The following LIPC variants were observed in gnomAD, a reference collection of about 807,000 sequenced individuals.
LIPC encodes the protein lipase C, hepatic type.
In LIPC, 44 loss-of-function variants were observed where a neutral mutation model predicts 50.7. The ratio of observed to expected loss-of-function variants is 0.87; its 90% CI spans 0.68 to 1.11. The LOEUF (loss-of-function observed/expected upper bound fraction) is 1.11. Among genes scored for constraint, LIPC ranks in the 50% most tolerant of loss-of-function variants. The probability of loss-of-function intolerance (pLI) is 0.00; values close to 1 mark genes in which losing one functional copy is unlikely to be tolerated. For synonymous variants in LIPC, 271 were observed against 256.4 expected, an observed-to-expected ratio of 1.06 and a Z score of -0.54; for missense variants, 697 against 648.2, an observed-to-expected ratio of 1.08 and a Z score of -0.82.
At position 58,499,001 on chromosome 15, in the gene LIPC, C is replaced by T. The variant is rs1004873834; in HGVS notation, c.89-39332C>T. Among the ~76,000 whole-genome samples, 9 of 152,332 alleles carry T rather than the reference C, an allele frequency of 5.9e-5. No homozygotes were observed. The South Asian group carries it at 1.9e-3, about 32-fold the overall frequency. On this transcript the variant is annotated intron_variant, in intron 1 of 8. Coordinates refer to ENST00000299022, the MANE Select transcript of LIPC (RefSeq NM_000236.3). ...CATCTCCCAAGGAGGCTGGGCCTGT[C>T]AACGGCCTTGCTTCGCTGAGCATGG...
intron 1 of LIPC, among the ~76,000 whole-genome samples, chr15:58,467,533 C>T (rs1298364578): frequency 1.3e-5 from 2 of 152,144 alleles, no homozygotes; most frequent in African/African-American, 4.8e-5. Context: ...GTTTATGATC[C>T]GGTACTAGGC....
chr15:58,508,245 G>T (rs917283338), intron 1 of LIPC, among the ~76,000 whole-genome samples: 13 of 152,154 alleles, frequency 8.5e-5, no homozygotes, highest in South Asian at 4.2e-4. Context: ...CAAGGGTGGG[G>T]GGTAGGGAGT....
rs2242061 is a variant in LIPC at position 58,542,176 on chromosome 15, T to C, written c.456+209T>C. Among the ~76,000 whole-genome samples, 43,523 of 151,848 alleles carry C rather than the reference T, an allele frequency of 0.29. 6,599 individuals carry two copies. Among genetic ancestry groups the C allele is most frequent in the East Asian group, 0.46 (2,346 of 5,134 alleles). On this transcript the variant is annotated intron_variant, in intron 3 of 8. Coordinates refer to ENST00000299022, the MANE Select transcript of LIPC (RefSeq NM_000236.3). ...ACCCCTGTTTCACAGAACCACCTTC[T>C]CCCCTCTCCTCATCCACTATTCCTC...
intron 1 of LIPC, among the ~76,000 whole-genome samples, chr15:58,444,445 TCTGCCAGGA>T (rs1470563975): frequency 6.6e-6 from 1 of 152,282 alleles, no homozygotes; most frequent in African/African-American, 2.4e-5. Context: ...AGTCTAGCAG[TCTGCCAGGA>T]CTGCCAGGAC....
intron 6 of LIPC, among the ~76,000 whole-genome samples, chr15:58,551,661 A>G (rs866659155): frequency 1.3e-5 from 2 of 152,040 alleles, no homozygotes; most frequent in South Asian, 4.2e-4. Context: ...TCCACCAGCC[A>G]CCTCCAGCAT....
chr15:58,567,292 T>TTC (rs1894406361), intron 8 of LIPC, among the ~76,000 whole-genome samples: 1 of 60,008 alleles, frequency 1.7e-5, no homozygotes. Context: ...TATATATATA[T>TTC]ACATATATAT....
intron 6 of LIPC, among the ~76,000 whole-genome samples, chr15:58,556,030 G>C (rs1306695140): frequency 6.6e-6 from 1 of 152,240 alleles, no homozygotes; most frequent in East Asian, 1.9e-4. Context: ...GGAGGGCAGA[G>C]TGGATGAGGA....
At chr15:58,486,379 T>C (rs1193971106) in intron 1 of LIPC, among the ~76,000 whole-genome samples, 2 of 152,176 alleles carry the variant, frequency 1.3e-5, no homozygotes, top group Non-Finnish European at 2.9e-5. Flanking sequence ...CCAGGATGGT[T>C]GGTCACCCTA....
In LIPC at chr15:58,510,484, T is replaced by A. The variant is rs543880894; in HGVS notation, c.89-27849T>A. On this transcript the variant is annotated intron_variant, in intron 1 of 8. Transcript: ENST00000299022. ...ATATTCATCATTAGAGTAACCATCA[T>A]CCTATGTTTTCTTACAAAGTAACAA... 9.8e-4 allele frequency among the ~76,000 whole-genome samples: 150 copies of A among 152,360 alleles called. 1 individual carries two copies. The highest frequency in any genetic ancestry group is 3.5e-3 in the African/African-American group (144 of 41,586).
chr15:58,502,510 T>TC (rs57391679), intron 1 of LIPC, among the ~76,000 whole-genome samples: 15 of 336 alleles, frequency 0.045, no homozygotes, highest in Middle Eastern at 0.5. Flanking sequence ...TAATTTTCTC[T>TC]TTTTTTTTTT....
At chr15:58,482,796 T>A (rs1384681667) in intron 1 of LIPC, among the ~76,000 whole-genome samples, 1 of 152,124 alleles carries the variant, frequency 6.6e-6, no homozygotes, top group East Asian at 1.9e-4. Flanking sequence ...TCAAGACCAG[T>A]CCTCCCTGGG....
At chr15:58,506,596 G>A (rs1038739714) in intron 1 of LIPC, among the ~76,000 whole-genome samples, 6 of 152,158 alleles carry the variant, frequency 3.9e-5, no homozygotes, top group East Asian at 3.9e-4. Context: ...CCAGGTAGGC[G>A]ACAAGATTTT....
At chr15:58,506,527 T>A (rs1892153387) in intron 1 of LIPC, among the ~76,000 whole-genome samples, 1 of 152,100 alleles carries the variant, frequency 6.6e-6, no homozygotes, top group Non-Finnish European at 1.5e-5. Flanking sequence ...CTATTCCCTA[T>A]CCCTCCCCTG....
intron 1 of LIPC, among the ~76,000 whole-genome samples, chr15:58,512,240 A>G (rs1892351733): frequency 1.3e-5 from 2 of 152,054 alleles, no homozygotes; most frequent in Non-Finnish European, 2.9e-5. Flanking sequence ...CTGAGACTAC[A>G]GGCATGAGCC....
intron 6 of LIPC, among the ~76,000 whole-genome samples, chr15:58,560,440 A>C (rs7180130): frequency 6.6e-6 from 1 of 152,138 alleles, no homozygotes; most frequent in South Asian, 2.1e-4. Flanking sequence ...ATCAGAGAGC[A>C]GCAATAATGT....
chr15:58,507,651 G>A (rs1229428019), intron 1 of LIPC, among the ~76,000 whole-genome samples: 1 of 152,186 alleles, frequency 6.6e-6, no homozygotes, highest in Non-Finnish European at 1.5e-5. Flanking sequence ...AAGGGTAGCT[G>A]GCTAGCGACC....
chr15:58,456,712 T>G (rs1348656032), intron 1 of LIPC, among the ~76,000 whole-genome samples: 2 of 152,240 alleles, frequency 1.3e-5, no homozygotes, highest in Admixed American at 1.3e-4. Context: ...GTCTGGTCTC[T>G]CTTTGCAAAT....
chr15:58,542,375 T>C (rs1231973751), intron 3 of LIPC, among the ~76,000 whole-genome samples, 159 bp from the exon 4 acceptor site: 5 of 151,830 alleles, frequency 3.3e-5, no homozygotes, highest in African/African-American at 1.2e-4. Context: ...CCCAGGAGAG[T>C]CAGCCAGTTG....
intron 2 of LIPC, among the ~76,000 whole-genome samples, chr15:58,539,711 C>G (rs1893257931): frequency 6.6e-6 from 1 of 152,154 alleles, no homozygotes; most frequent in Admixed American, 6.5e-5. Context: ...CTCCCTGCCT[C>G]CCACATGACG....
Sources: gnomAD v4.1 joint callset for allele counts (sites outside exome capture counted in the v4.1 genomes callset) on GRCh38, gnomAD v4.1.1 for gene constraint, MANE v1.5 for transcripts, NCBI Gene and HGNC (gene_info 2026-07-23, HGNC 2026-07-21) for gene names.